Variants in JAZF1 observed in about 807,000 individuals in gnomAD.
JAZF1 encodes JAZF zinc finger 1, also known as juxtaposed with another zinc finger protein 1.
JAZF1 carries 8 observed loss-of-function variants against 26.4 expected under a neutral mutation model. That is an observed-to-expected ratio of 0.30 (90% CI 0.18 to 0.55). The LOEUF (loss-of-function observed/expected upper bound fraction) is 0.55, where lower values mean the gene tolerates loss of function less well. JAZF1 is among the 20% of genes least tolerant of loss of function. The pLI, the probability that JAZF1 is intolerant of heterozygous loss-of-function variation, is 0.94. For missense variants in JAZF1, 199 were observed against 322.0 expected (o/e 0.62, Z 2.92); for synonymous variants, 126 against 122.3 (o/e 1.03, Z -0.20).
intron 3 of JAZF1, among the ~76,000 whole-genome samples, chr7:27,877,579 G>T (rs1783700538): frequency 6.6e-6 from 1 of 152,172 alleles, no homozygotes; most frequent in South Asian, 2.1e-4. Context: ...GAAAACACCT[G>T]TCTAGAAAGC....
At chr7:27,900,229 T>C (rs553737125) in intron 2 of JAZF1, among the ~76,000 whole-genome samples, 1 of 152,348 alleles carries the variant, frequency 6.6e-6, no homozygotes, top group Non-Finnish European at 1.5e-5. Context: ...AAAGCTGACT[T>C]AAATTTTCAG....
At chr7:27,873,570 G>T (rs571437398) in intron 3 of JAZF1, among the ~76,000 whole-genome samples, 123 of 152,252 alleles carry the variant, frequency 8.1e-4, no homozygotes, top group African/African-American at 2.8e-3. Flanking sequence ...ACTCATTCTT[G>T]AAAACCTCTC....
chr7:27,911,150 T>C (rs1426998381), intron 2 of JAZF1, among the ~76,000 whole-genome samples: 1 of 152,142 alleles, frequency 6.6e-6, no homozygotes, highest in Non-Finnish European at 1.5e-5. Flanking sequence ...CGTTTTTAGG[T>C]GTTCCCAACG....
chr7:27,944,863 A>G (rs944389125), intron 2 of JAZF1, among the ~76,000 whole-genome samples: 2 of 152,172 alleles, frequency 1.3e-5, no homozygotes, highest in Non-Finnish European at 2.9e-5. Flanking sequence ...AGGGACAGAA[A>G]AAAAAAATTG....
intron 2 of JAZF1, among the ~76,000 whole-genome samples, chr7:27,921,144 G>A (rs1784522408): frequency 6.6e-6 from 1 of 152,200 alleles, no homozygotes; most frequent in South Asian, 2.1e-4. Flanking sequence ...GACTCCTGCT[G>A]CTATGTGAAC....
At chr7:27,861,197 ACT>A (rs1783372765) in intron 3 of JAZF1, among the ~76,000 whole-genome samples, 1 of 151,942 alleles carries the variant, frequency 6.6e-6, no homozygotes, top group South Asian at 2.1e-4. Flanking sequence ...CTCCTGGGAG[ACT>A]CAGCTTCTCG....
intron 1 of JAZF1, 90 bp from the exon 2 acceptor site, chr7:27,992,071 GAA>G (rs1014384900): frequency 2.5e-6 from 2 of 815,740 alleles, no homozygotes; most frequent in Non-Finnish European, 4.4e-6. Flanking sequence ...GCTAAGCAGA[GAA>G]AAAGATTAAT....
At chr7:28,149,288 T>C (rs932195338) in intron 1 of JAZF1, among the ~76,000 whole-genome samples, 9 of 152,216 alleles carry the variant, frequency 5.9e-5, no homozygotes, top group African/African-American at 1.7e-4. Context: ...AGCCTCTTTT[T>C]TTCTTAATGC....
At chr7:28,167,828 A>C (rs1055041764) in intron 1 of JAZF1, among the ~76,000 whole-genome samples, 1 of 152,238 alleles carries the variant, frequency 6.6e-6, no homozygotes, top group African/African-American at 2.4e-5. Context: ...AAAAATAGTT[A>C]ACTGCTTCAT....
rs1461900054 is a variant in JAZF1, at chr7:27,840,211, C to A, written c.555+487G>T. Among the ~76,000 whole-genome samples, 2 of 152,164 alleles carry A rather than the reference C, an allele frequency of 1.3e-5. No individual in the cohort carries two copies. The highest frequency in any genetic ancestry group is 2.9e-5 in the Non-Finnish European group (2 of 68,026). Reference sequence around the variant, plus strand: ...TTTCATGCCACTGGGTGGAAGGAAGCAAGAACTTCCTCAGCTGGAAGCTAA... The same window carrying A: ...TTTCATGCCACTGGGTGGAAGGAAGAAAGAACTTCCTCAGCTGGAAGCTAA... On this transcript the variant is annotated intron_variant, in intron 4 of 4. Coordinates refer to ENST00000283928, the MANE Select transcript of JAZF1 (RefSeq NM_175061.4). This position sits in a 1 kb window ranked among gnomAD's most constrained non-coding sequence, Gnocchi z 5.1.
chr7:28,020,135 G>T (rs979067139), intron 1 of JAZF1, among the ~76,000 whole-genome samples: 5 of 152,110 alleles, frequency 3.3e-5, no homozygotes, highest in African/African-American at 1.2e-4. Context: ...TCCTAATAGT[G>T]CTGTTCTTAC....
chr7:28,168,544 C>A (rs898257537), intron 1 of JAZF1, among the ~76,000 whole-genome samples: 8 of 152,172 alleles, frequency 5.3e-5, no homozygotes, highest in Non-Finnish European at 2.9e-5. Context: ...AAAGCAAAGA[C>A]TCTTCAGTTT....
intron 2 of JAZF1, among the ~76,000 whole-genome samples, chr7:27,970,579 C>T (rs1254654298): frequency 1.3e-5 from 2 of 152,188 alleles, no homozygotes; most frequent in Non-Finnish European, 2.9e-5. Flanking sequence ...CTACGCATGA[C>T]TTTGTACCTG....
intron 3 of JAZF1, among the ~76,000 whole-genome samples, chr7:27,864,734 C>T (rs886123258): frequency 6.6e-6 from 1 of 152,160 alleles, no homozygotes; most frequent in African/African-American, 2.4e-5. Context: ...AACTGAGCAA[C>T]GAAAAATGCC....
In JAZF1 at chr7:28,018,878, C is replaced by A. The variant is rs533909868; in HGVS notation, c.116-26897G>T. ...GGGAAAACTTTTCCACAGATGAAAT[C>A]TAAAATTTTCGTGGTTCAGTTGGAG... On this transcript the variant is annotated intron_variant, in intron 1 of 4. Coordinates refer to ENST00000283928, the MANE Select transcript of JAZF1 (RefSeq NM_175061.4). Among the ~76,000 whole-genome samples the A allele has an allele frequency of 3.7e-4, 57 of 152,278 alleles. 1 individual carries two copies. In the Middle Eastern group the frequency reaches 0.017, roughly 45 times the overall value.
chr7:28,119,109 A>C (rs79181894), intron 1 of JAZF1, among the ~76,000 whole-genome samples: 5,878 of 152,190 alleles, frequency 0.039, 349 homozygotes, highest in African/African-American at 0.13. Context: ...GGCAGTGGCC[A>C]TGCTGCTCCC....
At chr7:28,001,843 T>C (rs964840248) in intron 1 of JAZF1, among the ~76,000 whole-genome samples, 1 of 152,010 alleles carries the variant, frequency 6.6e-6, no homozygotes, top group African/African-American at 2.4e-5. Flanking sequence ...GATGTAGAAA[T>C]ATAAGATTCG....
At chr7:28,088,615 CT>C (rs1266105976) in intron 1 of JAZF1, among the ~76,000 whole-genome samples, 1 of 152,158 alleles carries the variant, frequency 6.6e-6, no homozygotes, top group Non-Finnish European at 1.5e-5. Flanking sequence ...GGAGTGTCTC[CT>C]TTTCCTTCTA....
intron 2 of JAZF1, among the ~76,000 whole-genome samples, chr7:27,903,641 CTCT>C (rs1784204002): frequency 1.3e-5 from 2 of 152,206 alleles, no homozygotes; most frequent in African/African-American, 2.4e-5. Flanking sequence ...ACTCATACAC[CTCT>C]TCTTACTTCC....
Sources: allele counts gnomAD v4.1 joint callset (sites outside exome capture counted in the v4.1 genomes callset), GRCh38; gene constraint gnomAD v4.1.1; non-coding constraint Gnocchi (gnomAD v3.1); transcripts MANE v1.5; gene names NCBI Gene and HGNC (gene_info 2026-07-23, HGNC 2026-07-21).